The following CHST8 variants were observed in gnomAD, a reference collection of about 807,000 sequenced individuals.
The protein encoded by CHST8 is carbohydrate sulfotransferase 8, also known as GALNAC-4-ST1.
Under a neutral mutation model 15.0 loss-of-function variants are expected in CHST8, and 10 were observed. That is an observed-to-expected ratio of 0.67 (90% CI 0.41 to 1.13). The LOEUF (loss-of-function observed/expected upper bound fraction) is 1.13. CHST8 is among the 50% of genes most tolerant of loss of function. CHST8 has a pLI of 0.00. For missense variants in CHST8, 634 were observed against 608.2 expected (o/e 1.04, Z -0.45); for synonymous variants, 259 against 256.6 (o/e 1.01, Z -0.09).
At chr19:33,746,211 T>G (rs1974310613) in intron 3 of CHST8, among the ~76,000 whole-genome samples, 1 of 152,204 alleles carries the variant, frequency 6.6e-6, no homozygotes, top group Non-Finnish European at 1.5e-5. Context: ...GTTCACATCG[T>G]TTTTTATCAA....
At chr19:33,658,077 C>G (rs569563661) in intron 1 of CHST8, among the ~76,000 whole-genome samples, 2 of 152,170 alleles carry the variant, frequency 1.3e-5, no homozygotes, top group Non-Finnish European at 2.9e-5. Flanking sequence ...TGGTGGCTCA[C>G]GTCTGTAATC....
intron 3 of CHST8, among the ~76,000 whole-genome samples, chr19:33,701,413 TAATTA>T (rs1191694675): frequency 6.6e-6 from 1 of 152,196 alleles, no homozygotes; most frequent in African/African-American, 2.4e-5. Context: ...AGGAATCACC[TAATTA>T]AATTAGGAAA....
intron 3 of CHST8, among the ~76,000 whole-genome samples, chr19:33,738,747 G>T (rs929742326): frequency 7.2e-5 from 11 of 152,116 alleles, no homozygotes; most frequent in African/African-American, 2.7e-4. Context: ...ACACCAGCAT[G>T]CCCGGCTAAT....
intron 3 of CHST8, among the ~76,000 whole-genome samples, chr19:33,727,386 G>A (rs1973921442): frequency 2.6e-5 from 4 of 152,154 alleles, no homozygotes; most frequent in Admixed American, 2.6e-4. Flanking sequence ...ACCCGTGTCT[G>A]TGTGTGTAGA....
rs187926950 is a variant in CHST8, at chr19:33,721,864, G to A, written c.130+32473G>A. 6.1e-4 allele frequency among the ~76,000 whole-genome samples: 92 copies of A among 151,416 alleles called. No homozygotes were observed. The Middle Eastern group carries it at 0.01, about 17-fold the overall frequency. ...AGAGGGATGGATGGATGGATGGATG[G>A]ACAGATGGATGGATGGGTGGGTGAG... is the stretch of plus-strand genomic sequence containing the variant. On this transcript the variant is annotated intron_variant, in intron 3 of 4. Coordinates refer to ENST00000650847, the MANE Select transcript of CHST8 (RefSeq NM_001127895.2).
intron 1 of CHST8, among the ~76,000 whole-genome samples, chr19:33,663,992 T>A (rs1972618592): frequency 6.6e-6 from 1 of 152,246 alleles, no homozygotes; most frequent in African/African-American, 2.4e-5. Context: ...TGTACATATA[T>A]ACACCATTTA....
chr19:33,740,001 T>G (rs1974156439), intron 3 of CHST8, among the ~76,000 whole-genome samples: 1 of 152,186 alleles, frequency 6.6e-6, no homozygotes, highest in Non-Finnish European at 1.5e-5. Flanking sequence ...GGCCCTTTCA[T>G]TTTCCTGGTG....
Position 33,765,053 on chromosome 19 carries a change from C to CATATATATATATATAT in CHST8, c.131-6355_131-6340dup, listed in dbSNP as rs72103213. ...TTTTTATGGCTAAGTACTATTCCAT[C>CATATATATATATATAT]ATATATATATATATATATATCAGAG... is the stretch of plus-strand genomic sequence containing the variant. On this transcript the variant is annotated intron_variant, in intron 3 of 4. Transcript: ENST00000650847. Among the ~76,000 whole-genome samples the CATATATATATATATAT allele has an allele frequency of 2.1e-4, 18 of 87,684 alleles. 1 individual carries two copies. The highest frequency in any genetic ancestry group is 1.1e-3 in the African/African-American group (18 of 16,650). The allele number at this position is 87,684 out of a possible 152,430, so 57.5% of individuals were successfully genotyped here.
chr19:33,735,724 C>T (rs906786336), intron 3 of CHST8, among the ~76,000 whole-genome samples: 12 of 152,276 alleles, frequency 7.9e-5, no homozygotes, highest in Admixed American at 2.6e-4. Flanking sequence ...CTACTTGAGA[C>T]GCTGAGGCAG....
At chr19:33,644,558 G>A (rs975667587) in intron 1 of CHST8, among the ~76,000 whole-genome samples, 3 of 151,972 alleles carry the variant, frequency 2.0e-5, no homozygotes. Context: ...AACATAGCAA[G>A]ACTCCGTCTC....
At chr19:33,668,017 T>G (rs1294578206) in intron 2 of CHST8, among the ~76,000 whole-genome samples, 174 bp downstream of exon 2, 9 of 152,102 alleles carry the variant, frequency 5.9e-5, no homozygotes, top group African/African-American at 2.2e-4. Context: ...TCACTTCATA[T>G]CCTAAAACAA....
chr19:33,701,793 C>G (rs971650745), intron 3 of CHST8, among the ~76,000 whole-genome samples: 1 of 152,190 alleles, frequency 6.6e-6, no homozygotes. Context: ...TATTTTCCCT[C>G]GCCCTCCTCG....
At chr19:33,746,937 G>A (rs1974325507) in intron 3 of CHST8, among the ~76,000 whole-genome samples, 1 of 152,024 alleles carries the variant, frequency 6.6e-6, no homozygotes, top group African/African-American at 2.4e-5. Flanking sequence ...TTTAAATCAG[G>A]GCGATGGTAA....
At chr19:33,661,041 CT>C (rs1972579077) in intron 1 of CHST8, among the ~76,000 whole-genome samples, 1 of 152,168 alleles carries the variant, frequency 6.6e-6, no homozygotes, top group African/African-American at 2.4e-5. Context: ...CTTATGCCCC[CT>C]CTTGTCTGCG....
At chr19:33,771,195 C>T (rs1351021277) in intron 3 of CHST8, among the ~76,000 whole-genome samples, 1 of 152,112 alleles carries the variant, frequency 6.6e-6, no homozygotes, top group African/African-American at 2.4e-5. Flanking sequence ...GCCTCAGCTG[C>T]GAGCCAGTGG....
At chr19:33,740,309 G>T (rs1010024792) in intron 3 of CHST8, among the ~76,000 whole-genome samples, 2 of 152,198 alleles carry the variant, frequency 1.3e-5, no homozygotes, top group Non-Finnish European at 1.5e-5. Flanking sequence ...CTTTCTCAAG[G>T]CTGTGGGCAT....
At chr19:33,691,740 G>C (rs1348295537) in intron 3 of CHST8, among the ~76,000 whole-genome samples, 1 of 152,218 alleles carries the variant, frequency 6.6e-6, no homozygotes, top group Non-Finnish European at 1.5e-5. Context: ...AAGGGCCCTT[G>C]ACAATTCTCC....
chr19:33,712,054 A>T (rs907473380), intron 3 of CHST8, among the ~76,000 whole-genome samples: 2 of 152,238 alleles, frequency 1.3e-5, no homozygotes, highest in Admixed American at 1.3e-4. Context: ...TTATGTTGTT[A>T]GGGAAGACAA....
chr19:33,718,881 C>A (rs188088033), intron 3 of CHST8, among the ~76,000 whole-genome samples: 18 of 152,064 alleles, frequency 1.2e-4, no homozygotes, highest in East Asian at 1.2e-3. Context: ...GTGGGCGGGG[C>A]CTGTGCATCT....
Sources: gnomAD v4.1 joint callset for allele counts (sites outside exome capture counted in the v4.1 genomes callset) on GRCh38, gnomAD v4.1.1 for gene constraint, MANE v1.5 for transcripts, NCBI Gene and HGNC (gene_info 2026-07-23, HGNC 2026-07-21) for gene names.